The following RAB11FIP3 variants were observed in gnomAD, a reference collection of about 807,000 sequenced individuals.
The protein encoded by RAB11FIP3 is rab11 family-interacting protein 3.
A neutral mutation model predicts 77.8 loss-of-function variants in RAB11FIP3; 17 were observed. The observed-to-expected ratio is 0.22, with a 90% CI of 0.15 to 0.33. The LOEUF (loss-of-function observed/expected upper bound fraction) is 0.33, where lower values mean the gene tolerates loss of function less well. Ranked by LOEUF, RAB11FIP3 falls within the 10% of genes least tolerant of loss-of-function variation. The pLI, the probability that RAB11FIP3 is intolerant of heterozygous loss-of-function variation, is 1.00. For synonymous variants in RAB11FIP3, 437 were observed against 448.2 expected, an observed-to-expected ratio of 0.98 and a Z score of 0.31; for missense variants, 1,005 against 1,011.2, an observed-to-expected ratio of 0.99 and a Z score of 0.08.
chr16:458,035 C>T (rs991892348), intron 1 of RAB11FIP3, among the ~76,000 whole-genome samples: 3 of 152,248 alleles, frequency 2.0e-5, no homozygotes, highest in Non-Finnish European at 2.9e-5. Context: ...GCGATGGCCC[C>T]GGCCTCTTCC....
chr16:470,525 T>C (rs781595504), intron 2 of RAB11FIP3, among the ~76,000 whole-genome samples: 12 of 152,262 alleles, frequency 7.9e-5, no homozygotes, highest in Non-Finnish European at 1.3e-4. Context: ...TGGTCTATTT[T>C]AGGCAAGTAG....
intron 3 of RAB11FIP3, among the ~76,000 whole-genome samples, chr16:477,085 CAAAA>C (rs34127149): frequency 9.0e-5 from 11 of 122,692 alleles, no homozygotes; most frequent in South Asian, 2.8e-4. Flanking sequence ...GACTCCGTCT[CAAAA>C]AAAAAAAAAA....
At chr16:520,345 G>T in intron 12 of RAB11FIP3, 68 bp downstream of exon 12, 2 of 1,569,912 alleles carry the variant, frequency 1.3e-6, no homozygotes, top group Admixed American at 1.8e-5. Context: ...TTGGGAAGGG[G>T]GGGCCGTGGA....
At chr16:488,369 G>A (rs1259359733) in intron 4 of RAB11FIP3, among the ~76,000 whole-genome samples, 1 of 152,006 alleles carries the variant, frequency 6.6e-6, no homozygotes, top group Non-Finnish European at 1.5e-5. Flanking sequence ...GATAGAGCCA[G>A]ACTCTGTCTC....
rs2056026762 is a variant in RAB11FIP3 at position 480,916 on chromosome 16, T to G, written c.904-1609T>G. On this transcript the variant is annotated intron_variant, in intron 3 of 13. Transcript: ENST00000262305. ...ACATCCACCTCCCTGGTTCAAGCAA[T>G]TTGCCTGCCTCAGCCTCCTGAGTAG... Among the ~76,000 whole-genome samples, 2 of 113,252 alleles carry G rather than the reference T, an allele frequency of 1.8e-5. 1 individual carries two copies. The highest frequency in any genetic ancestry group is 5.8e-4 in the South Asian group (2 of 3,420). 74.3% of individuals were successfully genotyped at this position (113,252 alleles called of 152,430 possible). A position where few individuals can be genotyped will look rare whatever the true frequency, so the allele number is the denominator to read the frequency against.
At chr16:493,134 C>T (rs532261264) in intron 5 of RAB11FIP3, among the ~76,000 whole-genome samples, 19 of 151,916 alleles carry the variant, frequency 1.3e-4, no homozygotes, top group Admixed American at 4.6e-4. Context: ...GCCTGTAGTT[C>T]CAGCTACTTG....
chr16:477,592 C>G (rs1325302223), intron 3 of RAB11FIP3: 26 of 984,570 alleles, frequency 2.6e-5, no homozygotes, highest in Non-Finnish European at 3.1e-5. Context: ...CCAGCACAGG[C>G]CAGCCCTGTC....
chr16:520,344 G>T, intron 12 of RAB11FIP3, 67 bp downstream of exon 12: 3 of 1,569,246 alleles, frequency 1.9e-6, no homozygotes, highest in South Asian at 1.2e-5. Flanking sequence ...GTTGGGAAGG[G>T]GGGGCCGTGG....
At chr16:485,100 T>C (rs1043298213) in intron 4 of RAB11FIP3, among the ~76,000 whole-genome samples, 1 of 152,102 alleles carries the variant, frequency 6.6e-6, no homozygotes, top group African/African-American at 2.4e-5. Context: ...GGGAGGGGTC[T>C]GCAGACTTTT....
At chr16:443,642 T>A (rs2055262294) in intron 1 of RAB11FIP3, among the ~76,000 whole-genome samples, 1 of 152,210 alleles carries the variant, frequency 6.6e-6, no homozygotes, top group Admixed American at 6.5e-5. Flanking sequence ...CTTGGCTCAC[T>A]GCAACCTCTG....
At chr16:435,098 G>C (rs947591569) in intron 1 of RAB11FIP3, among the ~76,000 whole-genome samples, 1 of 151,550 alleles carries the variant, frequency 6.6e-6, no homozygotes, top group South Asian at 2.1e-4. Context: ...CCAGCTACTC[G>C]GGAGGCTGAG....
intron 1 of RAB11FIP3, among the ~76,000 whole-genome samples, chr16:440,089 C>G (rs897742382): frequency 5.9e-5 from 9 of 152,016 alleles, no homozygotes; most frequent in African/African-American, 1.2e-4. Flanking sequence ...ATCCGCCCCC[C>G]CCATCGGCCT....
intron 1 of RAB11FIP3, among the ~76,000 whole-genome samples, chr16:427,838 G>T (rs1021344501): frequency 1.3e-5 from 2 of 152,096 alleles, no homozygotes; most frequent in African/African-American, 2.4e-5. Flanking sequence ...GGTGGCTCAT[G>T]CCTGTAATCC....
chr16:492,392 C>CCCCCGGGAGACCCGAGGCCG (rs2030450219), intron 5 of RAB11FIP3, among the ~76,000 whole-genome samples: 3 of 131,904 alleles, frequency 2.3e-5, no homozygotes, highest in African/African-American at 1.0e-4. Flanking sequence ...GCCCAGAGCC[C>CCCCCGGGAGACCCGAGGCCG]TCCCCGGGAG....
intron 1 of RAB11FIP3, among the ~76,000 whole-genome samples, chr16:457,296 C>T (rs1048426045): frequency 6.6e-6 from 1 of 152,072 alleles, no homozygotes; most frequent in Non-Finnish European, 1.5e-5. Flanking sequence ...ATAGTAGGAA[C>T]AATGCAATTT....
At chr16:433,632 A>G (rs1313382796) in intron 1 of RAB11FIP3, among the ~76,000 whole-genome samples, 1 of 151,308 alleles carries the variant, frequency 6.6e-6, no homozygotes, top group Non-Finnish European at 1.5e-5. Flanking sequence ...GCGGATCACG[A>G]GGTCAGGAGA....
rs192881624 is a variant in RAB11FIP3, at chr16:519,060, G to A, written c.1722+36G>A. ...AACAGCCTGGAGCTGTGGCCAGTGG[G>A]GCCAGCCCATGCCCTGCCTGTGGGG... On this transcript the variant is annotated intron_variant, in intron 10 of 13. Coordinates refer to ENST00000262305, the MANE Select transcript of RAB11FIP3 (RefSeq NM_014700.4). The A allele has an allele frequency of 7.5e-5, 120 of 1,603,474 alleles. 1 individual carries two copies. In the African/African-American group the frequency reaches 1.4e-3, roughly 18 times the overall value.
chr16:436,574 C>A (rs2055131674), intron 1 of RAB11FIP3, among the ~76,000 whole-genome samples: 1 of 152,082 alleles, frequency 6.6e-6, no homozygotes, highest in Non-Finnish European at 1.5e-5. Context: ...CTCCACCTCC[C>A]AGGTTCAAGA....
chr16:443,526 C>T (rs2055259738), intron 1 of RAB11FIP3, among the ~76,000 whole-genome samples: 1 of 152,158 alleles, frequency 6.6e-6, no homozygotes, highest in Non-Finnish European at 1.5e-5. Flanking sequence ...TACCACCTCT[C>T]GATATCAGTA....
Sources: gnomAD v4.1 joint callset for allele counts (sites outside exome capture counted in the v4.1 genomes callset) on GRCh38, gnomAD v4.1.1 for gene constraint, MANE v1.5 for transcripts, NCBI Gene and HGNC (gene_info 2026-07-23, HGNC 2026-07-21) for gene names.